TMEM40: variants seen among roughly 807,000 people sequenced by gnomAD.
TMEM40 encodes transmembrane protein 40.
In TMEM40, 34 loss-of-function variants were observed where a neutral mutation model predicts 40.8. The ratio of observed to expected loss-of-function variants is 0.83; its 90% CI spans 0.63 to 1.11. TMEM40 has a LOEUF of 1.11. Among genes scored for constraint, TMEM40 ranks in the 50% least tolerant of loss-of-function variants. The probability of loss-of-function intolerance (pLI) is 0.00; values close to 1 mark genes in which losing one functional copy is unlikely to be tolerated. For missense variants in TMEM40, 296 were observed against 280.2 expected, an observed-to-expected ratio of 1.06 and a Z score of -0.40; for synonymous variants, 106 against 107.0, an observed-to-expected ratio of 0.99 and a Z score of 0.06.
intron 10 of TMEM40, 107 bp downstream of exon 10, chr3:12,736,471 A>G: frequency 7.2e-7 from 1 of 1,391,676 alleles, no homozygotes. Context: ...TTAAAAGTGT[A>G]GATTGTGACT....
intron 1 of TMEM40, among the ~76,000 whole-genome samples, chr3:12,753,492 G>T (rs542173398): frequency 1.3e-5 from 2 of 151,960 alleles, no homozygotes; most frequent in Non-Finnish European, 2.9e-5. Context: ...CCGAAGTGCT[G>T]ACGTTACAGG....
At chr3:12,765,671 G>A (rs1476292110) in intron 1 of TMEM40, among the ~76,000 whole-genome samples, 2 of 149,496 alleles carry the variant, frequency 1.3e-5, no homozygotes, top group African/African-American at 4.9e-5. Context: ...CTGGGTTCAC[G>A]CCATTCTCCT....
chr3:12,736,297 C>T (rs147216464), intron 10 of TMEM40, among the ~76,000 whole-genome samples: 17 of 152,136 alleles, frequency 1.1e-4, no homozygotes, highest in African/African-American at 2.9e-4. Context: ...TACAGACATG[C>T]GCCACCAGGC....
At chr3:12,768,886 G>T (rs1264139509) in intron 1 of TMEM40, among the ~76,000 whole-genome samples, 1 of 112,538 alleles carries the variant, frequency 8.9e-6, no homozygotes, top group African/African-American at 5.2e-5. Flanking sequence ...GGAGCCCATG[G>T]CGGGGCGGGG....
At chr3:12,756,623 C>T (rs933573317) in intron 1 of TMEM40, among the ~76,000 whole-genome samples, 4 of 152,144 alleles carry the variant, frequency 2.6e-5, no homozygotes, top group African/African-American at 7.2e-5. Flanking sequence ...TGGCTCGCAT[C>T]GTCCTAACTT....
intron 5 of TMEM40, chr3:12,741,239 C>T (rs1372918000): frequency 6.6e-6 from 1 of 152,276 alleles, no homozygotes; most frequent in Non-Finnish European, 1.5e-5. Flanking sequence ...GCGTCCTTCC[C>T]ATACCATTCA....
rs1167451441 is a variant in TMEM40, at chr3:12,734,048, G to C, written c.*726C>G. On this transcript the variant is annotated 3_prime_UTR_variant, in exon 12 of 12. Transcript: ENST00000314124. ...GCCTCTTGAGTAGCTGGAACCGCAG[G>C]TATGTACAGGTATGTACCGCCACAT... 1 of 151,724 alleles carries C rather than the reference G, an allele frequency of 6.6e-6. No individual in the cohort carries two copies. Among genetic ancestry groups the C allele is most frequent in the Non-Finnish European group, 1.5e-5 (1 of 67,972 alleles). The allele number at this position is 151,724 out of a possible 1,614,324, so 9.4% of individuals were successfully genotyped here.
At chr3:12,737,100 G>T (rs7635799) in intron 8 of TMEM40, among the ~76,000 whole-genome samples, 1 of 151,610 alleles carries the variant, frequency 6.6e-6, no homozygotes, top group Non-Finnish European at 1.5e-5. Context: ...GGCTGGTCTC[G>T]AACTCCTGGC....
chr3:12,737,628 G>A (rs1344202487), intron 8 of TMEM40, 79 bp downstream of exon 8: 1 of 1,373,898 alleles, frequency 7.3e-7, no homozygotes, highest in African/African-American at 1.4e-5. Context: ...TTACTGCTGT[G>A]CTAGGCCACC....
At chr3:12,740,251 G>C (rs983063949) in intron 5 of TMEM40, among the ~76,000 whole-genome samples, 2 of 151,036 alleles carry the variant, frequency 1.3e-5, no homozygotes, top group African/African-American at 4.9e-5. Flanking sequence ...CACCACACCT[G>C]GCTAATTTTT....
At chr3:12,768,400 T>C (rs993190076) in intron 1 of TMEM40, among the ~76,000 whole-genome samples, 64 of 152,188 alleles carry the variant, frequency 4.2e-4, no homozygotes, top group Non-Finnish European at 8.8e-5. Context: ...CACATCCTGC[T>C]GATTGGTCAT....
chr3:12,751,495 G>C (rs2061475886), intron 1 of TMEM40, among the ~76,000 whole-genome samples: 1 of 151,736 alleles, frequency 6.6e-6, no homozygotes, highest in African/African-American at 2.4e-5. Flanking sequence ...GGCCAGGCTG[G>C]TCTCGAACTC....
At chr3:12,756,161 C>T (rs1418761941) in intron 1 of TMEM40, among the ~76,000 whole-genome samples, 1 of 151,926 alleles carries the variant, frequency 6.6e-6, no homozygotes, top group Non-Finnish European at 1.5e-5. Context: ...GAAACAAATA[C>T]AAACTCAAAC....
Position 12,736,825 on chromosome 3 carries a change from G to A in TMEM40, c.483C>T (p.Phe161=). 1 of 1,614,126 alleles carries A rather than the reference G, an allele frequency of 6.2e-7. No homozygotes were observed. Among genetic ancestry groups the A allele is most frequent in the Non-Finnish European group, 8.5e-7 (1 of 1,180,020 alleles). Residue 161 remains phenylalanine (F), a synonymous_variant, in exon 9 of 12, where the codon TTC becomes TTT. Coordinates refer to ENST00000314124, the MANE Select transcript of TMEM40 (RefSeq NM_018306.4). ...TGGCAAAGCACAGGAGGACGAAATG[G>A]AAAAACTCATCTGTGAAGGCAGGGG... is the stretch of plus-strand genomic sequence containing the variant. ...RLNIKKDDEF[F]HFVLLCFAIG...
At chr3:12,745,608 C>T (rs1303545311) in intron 3 of TMEM40, among the ~76,000 whole-genome samples, 2 of 152,036 alleles carry the variant, frequency 1.3e-5, no homozygotes, top group South Asian at 2.1e-4. Flanking sequence ...GCCACCATGC[C>T]CAGCTAATTT....
chr3:12,769,321 G>A (rs753519493), exon 1 of TMEM40: 27 of 326,150 alleles, frequency 8.3e-5, no homozygotes, highest in Non-Finnish European at 1.7e-4. Flanking sequence ...GTGCAGCAGC[G>A]GGCTGAAGGG....
At chr3:12,753,211 C>CTTTCT (rs1559532113) in intron 1 of TMEM40, among the ~76,000 whole-genome samples, 1 of 76,292 alleles carries the variant, frequency 1.3e-5, no homozygotes, top group Non-Finnish European at 2.3e-5. Context: ...TTCTTTCTTT[C>CTTTCT]TTTTTTTTTT....
intron 1 of TMEM40, among the ~76,000 whole-genome samples, chr3:12,755,271 C>CTTTCT (rs1293230400): frequency 4.5e-5 from 5 of 109,914 alleles, no homozygotes; most frequent in East Asian, 4.9e-4. Context: ...TTCTTTCTTT[C>CTTTCT]TTTCTTTCTT....
chr3:12,746,277 A>G (rs1420197927), intron 3 of TMEM40, among the ~76,000 whole-genome samples: 2 of 152,222 alleles, frequency 1.3e-5, no homozygotes, highest in African/African-American at 4.8e-5. Context: ...CCTAGTACCC[A>G]TCACAAAGAC....
Sources: allele counts gnomAD v4.1 joint callset (sites outside exome capture counted in the v4.1 genomes callset), GRCh38; gene constraint gnomAD v4.1.1; transcripts MANE v1.5; gene names NCBI Gene and HGNC (gene_info 2026-07-23, HGNC 2026-07-21).